Variants in MAGI1 observed in about 807,000 individuals in gnomAD.
MAGI1 encodes membrane-associated guanylate kinase, WW and PDZ domain-containing protein 1.
In MAGI1, 58 loss-of-function variants were observed where a neutral mutation model predicts 139.9. That is an observed-to-expected ratio of 0.41 (90% CI 0.34 to 0.52). The LOEUF is 0.52. Ranked by LOEUF, MAGI1 falls within the 20% of genes least tolerant of loss-of-function variation. MAGI1 has a pLI of 0.12. For missense variants in MAGI1, 1,874 were observed against 1,901.6 expected, an observed-to-expected ratio of 0.99 and a Z score of 0.27; for synonymous variants, 812 against 737.9, an observed-to-expected ratio of 1.10 and a Z score of -1.63.
intron 1 of MAGI1, among the ~76,000 whole-genome samples, chr3:65,782,494 A>C (rs1422370538): frequency 3.9e-5 from 6 of 152,100 alleles, no homozygotes; most frequent in Non-Finnish European, 8.8e-5. Context: ...CTTTGTGAAA[A>C]AGTGTTACAG....
chr3:65,687,108 G>A (rs146131121), intron 1 of MAGI1, among the ~76,000 whole-genome samples: 58 of 152,278 alleles, frequency 3.8e-4, no homozygotes, highest in Admixed American at 3.3e-3. Context: ...TAGAAATGAA[G>A]AATCTCCAGG....
At chr3:65,468,981 A>ATAAATAAAT in intron 5 of MAGI1, among the ~76,000 whole-genome samples, 1 of 151,404 alleles carries the variant, frequency 6.6e-6, no homozygotes, top group South Asian at 2.1e-4. Context: ...AAATAAATAA[A>ATAAATAAAT]TAAATAAATG....
In MAGI1 at chr3:65,478,706, T is replaced by C. The variant is rs140125221; in HGVS notation, c.643A>G (p.Lys215Glu). The change falls in exon 4 of 23, where the codon AAG (lysine) becomes GAG (glutamate). Residue 215 changes from lysine to glutamate, a missense_variant. By Grantham distance (56) the Lys-to-Glu change is moderately conservative. This residue lies in a region of MAGI1 where 648 missense variants were observed against 598.1 expected (regional missense o/e 1.08). Coordinates refer to ENST00000402939, the MANE Select transcript of MAGI1 (RefSeq NM_001033057.2). Reference sequence around the variant, plus strand: ...TTGGTTCGCTTCGGGGTCGACTGCTTAGAGCCAGACTGAAGGCTGTGCAAG... The same window carrying C: ...TTGGTTCGCTTCGGGGTCGACTGCTCAGAGCCAGACTGAAGGCTGTGCAAG... ...DALHSLQSGSKQSTPKRTKSY... is the reference protein window; with the variant it reads ...DALHSLQSGSEQSTPKRTKSY... 1.2e-6 allele frequency: 2 copies of C among 1,614,108 alleles called. No individual in the cohort carries two copies. The highest frequency in any genetic ancestry group is 2.2e-5 in the East Asian group (1 of 44,862).
At position 65,872,202 on chromosome 3, in the gene MAGI1, T is replaced by C. The variant is rs905109152; in HGVS notation, c.313+165794A>G. Among the ~76,000 whole-genome samples the C allele has an allele frequency of 2.0e-5, 3 of 152,220 alleles. No homozygotes were observed. In the South Asian group the frequency reaches 6.2e-4, roughly 32 times the overall value. On this transcript the variant is annotated intron_variant, in intron 1 of 22. Transcript: ENST00000402939. ...CCTTGGTAAATGTGAGCTGTTACTT[T>C]TAGGCAATGCTTCATATACTGCTCA... is the stretch of plus-strand genomic sequence containing the variant.
intron 1 of MAGI1, among the ~76,000 whole-genome samples, chr3:65,958,136 A>G (rs533680061): frequency 2.6e-5 from 4 of 152,104 alleles, no homozygotes; most frequent in Non-Finnish European, 5.9e-5. Flanking sequence ...TGCCCTTCTC[A>G]ATCAAATGAC....
chr3:65,608,349 G>A (rs2082861610), intron 2 of MAGI1, among the ~76,000 whole-genome samples: 2 of 152,062 alleles, frequency 1.3e-5, no homozygotes, highest in South Asian at 4.2e-4. Context: ...GCTAAGGCAG[G>A]AGAATCAGCC....
At chr3:65,419,320 C>T (rs752020130) in intron 12 of MAGI1, among the ~76,000 whole-genome samples, 74 of 150,938 alleles carry the variant, frequency 4.9e-4, no homozygotes, top group East Asian at 5.9e-4. Context: ...TGTATGCATG[C>T]GTGGGTATAC....
chr3:65,584,086 GA>G (rs542674034), intron 2 of MAGI1, among the ~76,000 whole-genome samples: 6,713 of 95,796 alleles, frequency 0.07, 159 homozygotes, highest in Admixed American at 0.14. Flanking sequence ...ATCTACTCTT[GA>G]AAAAAAAAAA....
chr3:65,593,485 T>C (rs905530909), intron 2 of MAGI1, among the ~76,000 whole-genome samples: 4 of 152,214 alleles, frequency 2.6e-5, no homozygotes, highest in Non-Finnish European at 4.4e-5. Context: ...GAAATCTAAA[T>C]GATTTTTTAC....
chr3:65,364,803 C>A, intron 19 of MAGI1, 50 bp downstream of exon 19: 1 of 1,607,558 alleles, frequency 6.2e-7, no homozygotes, highest in Non-Finnish European at 8.5e-7. Flanking sequence ...TATTGTCATG[C>A]TGGGAGTTAC....
rs761948943 is a variant in MAGI1, at chr3:65,684,868, ATTTTTTTTTTT to A, written c.314-62791_314-62781del. Among the ~76,000 whole-genome samples, 106 of 98,172 alleles carry A rather than the reference ATTTTTTTTTTT, an allele frequency of 1.1e-3. 1 individual carries two copies. Among genetic ancestry groups the A allele is most frequent in the African/African-American group, 5.3e-3 (93 of 17,706 alleles). 64.4% of individuals were successfully genotyped at this position (98,172 alleles called of 152,430 possible). A position where few individuals can be genotyped will look rare whatever the true frequency, so the allele number is the denominator to read the frequency against. ...AGGTGCAAGCCACCACACCTGGCTA[ATTTTTTTTTTT>A]TTTTTTTTTTTTTTTTTTGGTAGAG... On this transcript the variant is annotated intron_variant, in intron 1 of 22. Coordinates refer to ENST00000402939, the MANE Select transcript of MAGI1 (RefSeq NM_001033057.2).
intron 14 of MAGI1, 25 bp from the exon 15 acceptor site, chr3:65,383,648 A>G (rs1575574066): frequency 7.0e-7 from 1 of 1,427,710 alleles, no homozygotes; most frequent in South Asian, 1.1e-5. Context: ...GAAAAAAGAG[A>G]AGGATTATTT....
At chr3:65,421,973 C>T (rs980918843) in intron 12 of MAGI1, among the ~76,000 whole-genome samples, 6 of 152,142 alleles carry the variant, frequency 3.9e-5, no homozygotes, top group East Asian at 3.8e-4. Context: ...TAACTATGCA[C>T]GTGCCTTCAA....
intron 1 of MAGI1, among the ~76,000 whole-genome samples, chr3:65,835,536 G>T (rs1010139665): frequency 2.6e-5 from 4 of 151,682 alleles, no homozygotes; most frequent in African/African-American, 9.7e-5. Flanking sequence ...TCTGATTCTT[G>T]CCACTTTAAC....
intron 1 of MAGI1, among the ~76,000 whole-genome samples, chr3:66,011,802 T>C (rs1156612127): frequency 6.6e-6 from 1 of 151,452 alleles, no homozygotes; most frequent in Non-Finnish European, 1.5e-5. Flanking sequence ...CATCTCTGAG[T>C]TTGCTTTCCA....
At chr3:65,447,843 T>C (rs1374709844) in intron 7 of MAGI1, among the ~76,000 whole-genome samples, 179 bp downstream of exon 7, 3 of 152,144 alleles carry the variant, frequency 2.0e-5, no homozygotes, top group African/African-American at 4.8e-5. Flanking sequence ...CTCCGCGTGA[T>C]GCCTGCAGGC....
chr3:65,563,923 T>A (rs2080485490), intron 2 of MAGI1, among the ~76,000 whole-genome samples: 1 of 152,194 alleles, frequency 6.6e-6, no homozygotes, highest in African/African-American at 2.4e-5. Flanking sequence ...TTCACAGTCC[T>A]TCTCATTTAC....
chr3:65,592,321 C>A (rs932219716), intron 2 of MAGI1, among the ~76,000 whole-genome samples: 2 of 152,106 alleles, frequency 1.3e-5, no homozygotes, highest in Admixed American at 6.5e-5. Flanking sequence ...TAAGAAAAGT[C>A]AAGTTGTAAC....
intron 14 of MAGI1, chr3:65,387,331 C>A: frequency 1.3e-6 from 1 of 763,808 alleles, no homozygotes; most frequent in Non-Finnish European, 2.2e-6. Flanking sequence ...TCAGCTTTCA[C>A]AATAAAGGTC....
Sources: allele counts gnomAD v4.1 joint callset (sites outside exome capture counted in the v4.1 genomes callset), GRCh38; gene constraint gnomAD v4.1.1; regional missense constraint gnomAD v4.1.1; transcripts MANE v1.5; gene names NCBI Gene and HGNC (gene_info 2026-07-23, HGNC 2026-07-21).